MIS18A: variants seen among roughly 807,000 people sequenced by gnomAD.
MIS18A encodes MIS18 kinetochore protein A.
In MIS18A, 14 loss-of-function variants were observed where a neutral mutation model predicts 25.0. The ratio of observed to expected loss-of-function variants is 0.56; its 90% confidence interval spans 0.37 to 0.88. The LOEUF is 0.88. Among genes scored for constraint, MIS18A ranks in the 40% least tolerant of loss-of-function variants. The pLI is 0.00. For missense variants in MIS18A, 292 were observed against 290.8 expected (o/e 1.00, Z -0.03); for synonymous variants, 134 against 118.6 (o/e 1.13, Z -0.84).
the MIS18A span, among the ~76,000 whole-genome samples, chr21:32,175,860 AT>A: frequency 0.59 from 89,876 of 151,568 alleles, 27,446 homozygotes; most frequent in African/African-American, 0.74. Context: ...CTATACAAAA[AT>A]TTTTTTTCTT....
the MIS18A span, among the ~76,000 whole-genome samples, chr21:32,183,282 T>C: frequency 2.0e-5 from 3 of 152,224 alleles, no homozygotes; most frequent in South Asian, 2.1e-4. Flanking sequence ...CAAGCATCCA[T>C]TGAATACACA....
At chr21:32,269,576 C>A in intron 4 of MIS18A, 131 bp downstream of exon 4, 1 of 580,620 alleles carries the variant, frequency 1.7e-6, no homozygotes, top group Non-Finnish European at 3.0e-6. Context: ...TTACTAACAA[C>A]TGAAATGAAA....
the MIS18A span, among the ~76,000 whole-genome samples, chr21:32,176,174 A>G: frequency 2.0e-5 from 3 of 152,236 alleles, no homozygotes; most frequent in East Asian, 5.8e-4. Flanking sequence ...TAAAAAGTAT[A>G]ATATACTAAA....
At chr21:32,169,311 C>T in the MIS18A span, among the ~76,000 whole-genome samples, 1 of 152,038 alleles carries the variant, frequency 6.6e-6, no homozygotes, top group Non-Finnish European at 1.5e-5. Flanking sequence ...CTAGCAACTC[C>T]CTGGAAAAGC....
the MIS18A span, among the ~76,000 whole-genome samples, chr21:32,214,168 C>A: frequency 6.6e-6 from 1 of 152,284 alleles, no homozygotes; most frequent in South Asian, 2.1e-4. Flanking sequence ...CTTGACCCCA[C>A]ACCCCACCTC....
chr21:32,255,821 G>A, the MIS18A span, among the ~76,000 whole-genome samples: 11 of 151,480 alleles, frequency 7.3e-5, no homozygotes, highest in Admixed American at 5.9e-4. Flanking sequence ...AACCTGGGAC[G>A]CAGAGCTTGC....
At chr21:32,243,033 G>C in the MIS18A span, among the ~76,000 whole-genome samples, 1 of 152,104 alleles carries the variant, frequency 6.6e-6, no homozygotes, top group Non-Finnish European at 1.5e-5. Context: ...TCCAACAAAC[G>C]GTGTGGACTT....
chr21:32,170,920 C>T, the MIS18A span, among the ~76,000 whole-genome samples: 591 of 151,998 alleles, frequency 3.9e-3, 3 homozygotes, highest in Non-Finnish European at 5.3e-3. Context: ...AAAAAGCATT[C>T]GACAAAATCC....
chr21:32,263,622 C>T (rs1369953698), downstream of MIS18A, among the ~76,000 whole-genome samples: 4 of 151,980 alleles, frequency 2.6e-5, no homozygotes, highest in African/African-American at 9.7e-5. Flanking sequence ...AATCGTATTT[C>T]CAGACATGGC....
chr21:32,222,352 A>T, the MIS18A span, among the ~76,000 whole-genome samples: 1 of 152,220 alleles, frequency 6.6e-6, no homozygotes, highest in African/African-American at 2.4e-5. Context: ...GGGAGACTTT[A>T]GCACCCCACT....
the MIS18A span, among the ~76,000 whole-genome samples, chr21:32,237,272 T>C: frequency 6.6e-6 from 1 of 152,224 alleles, no homozygotes; most frequent in South Asian, 2.1e-4. Context: ...GAGAGGGTCA[T>C]GCAGCATGAG....
the MIS18A span, among the ~76,000 whole-genome samples, chr21:32,194,764 G>A: frequency 7.2e-5 from 11 of 152,232 alleles, no homozygotes; most frequent in East Asian, 2.1e-3. Flanking sequence ...ACAGGAGGCC[G>A]TTATTCCTAG....
chr21:32,227,225 C>T, the MIS18A span, among the ~76,000 whole-genome samples: 6 of 151,192 alleles, frequency 4.0e-5, no homozygotes, highest in South Asian at 6.3e-4. Flanking sequence ...ACAAAATAAA[C>T]GAAATAGAGA....
chr21:32,262,738 G>A, the MIS18A span, among the ~76,000 whole-genome samples: 2 of 152,214 alleles, frequency 1.3e-5, no homozygotes, highest in African/African-American at 4.8e-5. Flanking sequence ...GGGAAAAAAA[G>A]AGTTATAGAG....
At chr21:32,267,766 A>C (rs1017370448), downstream of MIS18A, among the ~76,000 whole-genome samples, 1 of 152,214 alleles carries the variant, frequency 6.6e-6, no homozygotes, top group African/African-American at 2.4e-5. Context: ...CTGGGACTAC[A>C]TCGAGCTTAC....
At chr21:32,276,804 T>C (rs2031819975) in intron 1 of MIS18A, among the ~76,000 whole-genome samples, 1 of 152,080 alleles carries the variant, frequency 6.6e-6, no homozygotes, top group Non-Finnish European at 1.5e-5. Flanking sequence ...AGTGTGTATC[T>C]GTAGTCCCAA....
the MIS18A span, among the ~76,000 whole-genome samples, chr21:32,185,806 C>T: frequency 6.6e-6 from 1 of 152,256 alleles, no homozygotes; most frequent in South Asian, 2.1e-4. Context: ...GCCCCTGCCA[C>T]CTCCCCTCCC....
At chr21:32,171,361 T>C in the MIS18A span, among the ~76,000 whole-genome samples, 1 of 152,022 alleles carries the variant, frequency 6.6e-6, no homozygotes. Context: ...CAATAAACTG[T>C]TTGAAAAACA....
chr21:32,236,518 A>T, the MIS18A span, among the ~76,000 whole-genome samples: 1,200 of 152,322 alleles, frequency 7.9e-3, 11 homozygotes, highest in Non-Finnish European at 0.013. Context: ...GTAGAAGTCC[A>T]GGCTAGTATG....
Sources: gnomAD v4.1 joint callset for allele counts (sites outside exome capture counted in the v4.1 genomes callset) on GRCh38, gnomAD v4.1.1 for gene constraint, MANE v1.5 for transcripts, NCBI Gene and HGNC (gene_info 2026-07-23, HGNC 2026-07-21) for gene names.